Variants in FSIP1 observed in about 807,000 individuals in gnomAD.
FSIP1 encodes the protein fibrous sheath interacting protein 1.
Under a neutral mutation model 60.9 loss-of-function variants are expected in FSIP1, and 65 were observed. That is an observed-to-expected ratio of 1.07 (90% CI 0.87 to 1.31). The LOEUF (loss-of-function observed/expected upper bound fraction) is 1.31, where lower values mean the gene tolerates loss of function less well. Ranked by LOEUF, FSIP1 falls within the 40% of genes most tolerant of loss-of-function variation. The pLI is 0.00. For synonymous variants in FSIP1, 209 were observed against 221.2 expected, an observed-to-expected ratio of 0.94 and a Z score of 0.49; for missense variants, 675 against 665.5, an observed-to-expected ratio of 1.01 and a Z score of -0.16.
chr15:39,744,104 T>C (rs1896900570), intron 5 of FSIP1, among the ~76,000 whole-genome samples: 1 of 152,232 alleles, frequency 6.6e-6, no homozygotes, highest in African/African-American at 2.4e-5. Flanking sequence ...TGTATATGTG[T>C]GTCCTTGTGT....
At chr15:39,664,941 T>G (rs1398191912) in intron 10 of FSIP1, among the ~76,000 whole-genome samples, 1 of 152,192 alleles carries the variant, frequency 6.6e-6, no homozygotes, top group African/African-American at 2.4e-5. Flanking sequence ...GAATATAAGC[T>G]CCATGAGAGC....
At chr15:39,769,360 T>C (rs190082007) in intron 3 of FSIP1, among the ~76,000 whole-genome samples, 135 of 152,144 alleles carry the variant, frequency 8.9e-4, no homozygotes, top group Admixed American at 3.7e-3. Context: ...AAAACTGTAA[T>C]TTTCACTTCA....
chr15:39,709,535 C>T (rs535855389), intron 10 of FSIP1, among the ~76,000 whole-genome samples: 1 of 152,242 alleles, frequency 6.6e-6, no homozygotes, highest in African/African-American at 2.4e-5. Context: ...CACTTCTTAT[C>T]AAAAATAAGT....
chr15:39,776,326 A>G, intron 2 of FSIP1, 73 bp downstream of exon 2: 1 of 1,439,060 alleles, frequency 6.9e-7, no homozygotes, highest in South Asian at 1.3e-5. Context: ...TGGGATGTTA[A>G]CAACAACCTT....
At chr15:39,668,331 T>C (rs968660299) in intron 10 of FSIP1, among the ~76,000 whole-genome samples, 1 of 152,172 alleles carries the variant, frequency 6.6e-6, no homozygotes, top group African/African-American at 2.4e-5. Flanking sequence ...CCCAGGTCTG[T>C]CTGGAGTGGA....
intron 10 of FSIP1, among the ~76,000 whole-genome samples, chr15:39,700,220 C>T (rs530688259): frequency 6.6e-6 from 1 of 152,346 alleles, no homozygotes; most frequent in South Asian, 2.1e-4. Context: ...CACCCACCCC[C>T]ATCTATACCA....
intron 9 of FSIP1, among the ~76,000 whole-genome samples, chr15:39,714,964 C>A (rs1895678730): frequency 9.4e-6 from 1 of 106,388 alleles, no homozygotes; most frequent in African/African-American, 3.4e-5. Flanking sequence ...CAGAATGAGA[C>A]TCTGTCTCAA....
At chr15:39,640,656 G>C (rs1892326253) in intron 10 of FSIP1, among the ~76,000 whole-genome samples, 1 of 151,240 alleles carries the variant, frequency 6.6e-6, no homozygotes, top group South Asian at 2.1e-4. Flanking sequence ...TCGCGAATTG[G>C]GCAGCCCCCA....
chr15:39,744,992 C>G (rs1896945651), intron 5 of FSIP1, among the ~76,000 whole-genome samples: 1 of 151,938 alleles, frequency 6.6e-6, no homozygotes, highest in Non-Finnish European at 1.5e-5. Context: ...ATGGGACCAG[C>G]TACAAGTCAG....
chr15:39,730,100 A>C (rs1896346357), intron 8 of FSIP1, among the ~76,000 whole-genome samples: 1 of 149,446 alleles, frequency 6.7e-6, no homozygotes, highest in African/African-American at 2.4e-5. Flanking sequence ...TTGTGGCCTT[A>C]CCAGAAAAAA....
chr15:39,676,286 G>C (rs1893938551), intron 10 of FSIP1, among the ~76,000 whole-genome samples: 1 of 152,040 alleles, frequency 6.6e-6, no homozygotes, highest in Non-Finnish European at 1.5e-5. Flanking sequence ...GCACACTCTG[G>C]AAAACAGCTC....
chr15:39,732,313 T>C (rs565549942), intron 8 of FSIP1, among the ~76,000 whole-genome samples: 2 of 152,162 alleles, frequency 1.3e-5, no homozygotes, highest in South Asian at 4.2e-4. Context: ...CAAGAGAAGA[T>C]TACATCCATA....
chr15:39,608,225 G>A (rs1890897365), intron 11 of FSIP1, among the ~76,000 whole-genome samples: 1 of 152,190 alleles, frequency 6.6e-6, no homozygotes, highest in South Asian at 2.1e-4. Flanking sequence ...CATAGTCACA[G>A]GGTTAATTGT....
chr15:39,703,261 C>T (rs1026116496), intron 10 of FSIP1, among the ~76,000 whole-genome samples: 1 of 152,078 alleles, frequency 6.6e-6, no homozygotes, highest in African/African-American at 2.4e-5. Flanking sequence ...GGATTACAGG[C>T]GTGAGCCACC....
At chr15:39,643,597 T>C (rs1014247865) in intron 10 of FSIP1, among the ~76,000 whole-genome samples, 5 of 152,242 alleles carry the variant, frequency 3.3e-5, no homozygotes, top group African/African-American at 1.2e-4. Context: ...CATTAGAGAC[T>C]GGTTAATACT....
chr15:39,614,559 C>T (rs1019286907), intron 11 of FSIP1, among the ~76,000 whole-genome samples: 4 of 150,698 alleles, frequency 2.7e-5, no homozygotes, highest in African/African-American at 7.3e-5. Flanking sequence ...GCAGGAGAAT[C>T]GCCTGAACCC....
At chr15:39,602,362 G>A (rs181941309) in intron 11 of FSIP1, 13 of 456,176 alleles carry the variant, frequency 2.8e-5, no homozygotes, top group African/African-American at 1.4e-4. Flanking sequence ...TCCAGGTGGC[G>A]TGTGGCCTTG....
At chr15:39,613,475 CA>C (rs1294339197) in intron 11 of FSIP1, among the ~76,000 whole-genome samples, 1 of 151,932 alleles carries the variant, frequency 6.6e-6, no homozygotes, top group Non-Finnish European at 1.5e-5. Context: ...AGCCTCCTAT[CA>C]AAAAAAGGCC....
chr15:39,704,102 C>G (rs1392636148), intron 10 of FSIP1, among the ~76,000 whole-genome samples: 1 of 152,132 alleles, frequency 6.6e-6, no homozygotes, highest in African/African-American at 2.4e-5. Context: ...ATGTACAAAT[C>G]TCACTCTCCA....
Sources: allele counts gnomAD v4.1 joint callset (sites outside exome capture counted in the v4.1 genomes callset), GRCh38; gene constraint gnomAD v4.1.1; transcripts MANE v1.5; gene names NCBI Gene and HGNC (gene_info 2026-07-23, HGNC 2026-07-21).